The following PCMT1 variants were observed in gnomAD, a reference collection of about 807,000 sequenced individuals.
The protein encoded by PCMT1 is protein-L-isoaspartate (D-aspartate) O-methyltransferase, also known as protein-L-isoaspartate(D-aspartate) O-methyltransferase.
A neutral mutation model predicts 29.2 loss-of-function variants in PCMT1; 9 were observed. That is an observed-to-expected ratio of 0.31 (90% CI 0.19 to 0.54). The LOEUF is 0.54. PCMT1 is among the 20% of genes least tolerant of loss of function. The pLI, the probability that PCMT1 is intolerant of heterozygous loss-of-function variation, is 0.95. For missense variants in PCMT1, 184 were observed against 282.2 expected (o/e 0.65, Z 2.49); for synonymous variants, 98 against 97.5 (o/e 1.00, Z -0.03).
intron 7 of PCMT1, among the ~76,000 whole-genome samples, chr6:149,807,456 C>T (rs1016193352): frequency 1.2e-4 from 19 of 152,198 alleles, no homozygotes; most frequent in Middle Eastern, 3.4e-3. Flanking sequence ...ACTGCACCTC[C>T]GCCTCCTGGG....
intron 2 of PCMT1, among the ~76,000 whole-genome samples, chr6:149,771,586 G>A (rs534889166): frequency 5.4e-4 from 82 of 152,142 alleles, no homozygotes; most frequent in Non-Finnish European, 8.1e-4. Context: ...GCACAATATC[G>A]GCTCACTGCA....
intron 2 of PCMT1, among the ~76,000 whole-genome samples, chr6:149,771,708 G>T (rs548270945): frequency 1.3e-5 from 2 of 152,148 alleles, no homozygotes; most frequent in South Asian, 4.1e-4. Flanking sequence ...GTAGAGACGG[G>T]GTTTCAGCGT....
At chr6:149,791,568 G>A (rs541761062) in intron 4 of PCMT1, among the ~76,000 whole-genome samples, 30 of 152,326 alleles carry the variant, frequency 2.0e-4, no homozygotes, top group African/African-American at 5.5e-4. Flanking sequence ...TGCTATAAAT[G>A]TATAATCAGC....
At chr6:149,750,400 T>C (rs910403066) in intron 1 of PCMT1, 3 of 163,484 alleles carry the variant, frequency 1.8e-5, no homozygotes, top group Non-Finnish European at 4.0e-5. Context: ...TCCTCCTCCA[T>C]AATCAACCTC....
intron 3 of PCMT1, among the ~76,000 whole-genome samples, chr6:149,789,473 G>C (rs1562417426): frequency 1.3e-5 from 2 of 152,096 alleles, no homozygotes; most frequent in Non-Finnish European, 2.9e-5. Context: ...CGGATCACCT[G>C]AGGTCGAGAG....
At chr6:149,756,633 G>A (rs1252954779) in intron 1 of PCMT1, among the ~76,000 whole-genome samples, 1 of 146,240 alleles carries the variant, frequency 6.8e-6, no homozygotes, top group African/African-American at 2.5e-5. Flanking sequence ...CAATATTGCT[G>A]GGATTATAGG....
intron 3 of PCMT1, among the ~76,000 whole-genome samples, chr6:149,773,427 A>G (rs928221383): frequency 6.6e-6 from 1 of 152,080 alleles, no homozygotes; most frequent in African/African-American, 2.4e-5. Flanking sequence ...CGCCCAGGCT[A>G]GAGTGCAGTG....
intron 1 of PCMT1, among the ~76,000 whole-genome samples, chr6:149,770,313 T>C (rs770521104): frequency 1.3e-4 from 20 of 152,186 alleles, no homozygotes; most frequent in Non-Finnish European, 2.4e-4. Context: ...AGCGTATCAA[T>C]GATTACCTCC....
At chr6:149,790,227 T>C (rs1042973221) in intron 4 of PCMT1, among the ~76,000 whole-genome samples, 169 bp downstream of exon 4, 2 of 152,228 alleles carry the variant, frequency 1.3e-5, no homozygotes, top group Non-Finnish European at 2.9e-5. Flanking sequence ...TGACAGAACA[T>C]GCAACCCAAA....
intron 7 of PCMT1, among the ~76,000 whole-genome samples, chr6:149,804,739 T>A (rs1325268285): frequency 2.6e-5 from 4 of 152,070 alleles, no homozygotes; most frequent in Non-Finnish European, 5.9e-5. Flanking sequence ...TGACCTCAGG[T>A]GATCTGCCCG....
At chr6:149,796,356 A>C (rs770647597) in intron 5 of PCMT1, 59 bp from the exon 6 acceptor site, 29 of 1,147,504 alleles carry the variant, frequency 2.5e-5, no homozygotes, top group Non-Finnish European at 3.5e-5. Flanking sequence ...CTGTACTAGA[A>C]TTCTTCACAT....
intron 1 of PCMT1, among the ~76,000 whole-genome samples, chr6:149,761,706 A>G (rs550078408): frequency 6.6e-6 from 1 of 152,228 alleles, no homozygotes; most frequent in Non-Finnish European, 1.5e-5. Context: ...AACTGACACT[A>G]CCTCTTAACC....
At chr6:149,767,227 T>C (rs562952908) in intron 1 of PCMT1, among the ~76,000 whole-genome samples, 1 of 150,330 alleles carries the variant, frequency 6.7e-6, no homozygotes, top group East Asian at 2.0e-4. Flanking sequence ...AAAAAGAAAT[T>C]CATTCATGTT....
At position 149,769,770 on chromosome 6, in the gene PCMT1, ATTTTTTTTTT is replaced by A. The variant is rs34274281; in HGVS notation, c.56-1375_56-1366del. 4.3e-3 allele frequency among the ~76,000 whole-genome samples: 427 copies of A among 99,742 alleles called. 1 individual carries two copies. The highest frequency in any genetic ancestry group is 0.017 in the African/African-American group (383 of 22,018). The allele number at this position is 99,742 out of a possible 152,430, so 65.4% of individuals were successfully genotyped here. A position where few individuals can be genotyped will look rare whatever the true frequency, so the allele number is the denominator to read the frequency against. On this transcript the variant is annotated intron_variant, in intron 1 of 7. Transcript: ENST00000464889. ...TGTGCCATGATCCCCAGCTAATTAA[ATTTTTTTTTT>A]TTTTTTTTTTTTTTTTGTGGAGACA...
intron 1 of PCMT1, among the ~76,000 whole-genome samples, chr6:149,759,221 A>G (rs1358335667): frequency 6.6e-6 from 1 of 152,072 alleles, no homozygotes; most frequent in East Asian, 1.9e-4. Context: ...TTCAGTACAG[A>G]AAGTACCTGG....
chr6:149,764,486 C>T (rs1786987959), intron 1 of PCMT1, among the ~76,000 whole-genome samples: 1 of 152,162 alleles, frequency 6.6e-6, no homozygotes, highest in African/African-American at 2.4e-5. Context: ...CAGGGGCTCA[C>T]ACCTGTAATC....
chr6:149,799,302 A>G (rs1160708618), intron 6 of PCMT1, among the ~76,000 whole-genome samples: 1 of 151,640 alleles, frequency 6.6e-6, no homozygotes, highest in African/African-American at 2.4e-5. Flanking sequence ...TGACAGAGAA[A>G]GACCCTGTCT....
intron 3 of PCMT1, among the ~76,000 whole-genome samples, chr6:149,775,170 G>A (rs181723050): frequency 6.6e-6 from 1 of 152,262 alleles, no homozygotes; most frequent in African/African-American, 2.4e-5. Context: ...CTGATTCTCT[G>A]CAAGTATTTG....
intron 6 of PCMT1, 39 bp downstream of exon 6, chr6:149,796,539 A>G: frequency 1.4e-6 from 2 of 1,398,790 alleles, no homozygotes; most frequent in Non-Finnish European, 1.0e-6. Flanking sequence ...TTTTTATTCA[A>G]CTAAAACTCT....
Sources: gnomAD v4.1 joint callset for allele counts (sites outside exome capture counted in the v4.1 genomes callset) on GRCh38, gnomAD v4.1.1 for gene constraint, MANE v1.5 for transcripts, NCBI Gene and HGNC (gene_info 2026-07-23, HGNC 2026-07-21) for gene names.